Variants in PSRC1 observed in about 807,000 individuals in gnomAD.
PSRC1 encodes the protein proline/serine-rich coiled-coil protein 1.
A neutral mutation model predicts 31.9 loss-of-function variants in PSRC1; 30 were observed. That is an observed-to-expected ratio of 0.94 (90% CI 0.70 to 1.28). PSRC1 has a LOEUF of 1.28. Ranked by LOEUF, PSRC1 falls within the 50% of genes most tolerant of loss-of-function variation. The pLI is 0.00. For synonymous variants in PSRC1, 191 were observed against 192.1 expected (o/e 0.99, Z 0.05); for missense variants, 481 against 472.8 (o/e 1.02, Z -0.16).
chr1:109,280,009 T>G, exon 7 of PSRC1: 1 of 1,025,662 alleles, frequency 9.7e-7, no homozygotes, highest in South Asian at 1.3e-5. Flanking sequence ...TGGTCTCTAC[T>G]CCTGGGAGAC....
At chr1:109,280,266 C>G in intron 6 of PSRC1, 110 bp from the exon 8 acceptor site, 3 of 1,450,200 alleles carry the variant, frequency 2.1e-6, no homozygotes, top group Non-Finnish European at 2.9e-6. Context: ...GATCCCCCTT[C>G]CCCTGCCCCA....
At chr1:109,280,973 C>G in exon 5 of PSRC1, 1 of 1,609,418 alleles carries the variant, frequency 6.2e-7, no homozygotes, top group Non-Finnish European at 8.5e-7. Context: ...CTGCTCCCTG[C>G]GGCCGGGGCA....
intron 6 of PSRC1, 25 bp from the exon 8 acceptor site, chr1:109,280,181 C>T (rs202208322): frequency 1.2e-6 from 2 of 1,613,134 alleles, no homozygotes; most frequent in East Asian, 4.5e-5. Context: ...GGAATAACTG[C>T]TTTAAAATGC....
intron 5 of PSRC1, 102 bp from the exon 7 acceptor site, chr1:109,280,591 C>A: frequency 1.9e-6 from 2 of 1,050,594 alleles, no homozygotes; most frequent in African/African-American, 1.6e-5. Flanking sequence ...GTACTCTCCC[C>A]CTGACCATGA....
At chr1:109,280,246 G>A (rs1656820330) in intron 6 of PSRC1, 90 bp from the exon 8 acceptor site, 1 of 1,500,794 alleles carries the variant, frequency 6.7e-7, no homozygotes, top group Non-Finnish European at 9.3e-7. Context: ...CTCAGGGTGG[G>A]AAGAAATGGG....
chr1:109,280,391 C>CTCT lies in PSRC1; in HGVS notation c.1088+4_1088+5insAGA. 6.2e-7 allele frequency: 1 copy of CTCT among 1,601,736 alleles called. No individual in the cohort carries two copies. Among genetic ancestry groups the CTCT allele is most frequent in the South Asian group, 1.1e-5 (1 of 89,634 alleles). ...ACAGGATGGGCAAGGGAGGACCAGA[C>CTCT]TGACCTGGTAGGTCCTGGGACTGCC... On this transcript the variant is annotated splice_donor_region_variant and intron_variant, in intron 6 of 6. Transcript: ENST00000409138.
At chr1:109,279,967 T>C (rs985824528) in exon 7 of PSRC1, 2 of 730,542 alleles carry the variant, frequency 2.7e-6, no homozygotes, top group Non-Finnish European at 4.9e-6. Flanking sequence ...TTAAGTCTTC[T>C]CCAGCTCAAT....
At chr1:109,281,894 T>G (rs1657205767) in exon 4 of PSRC1, 1 of 1,611,484 alleles carries the variant, frequency 6.2e-7, no homozygotes, top group Non-Finnish European at 8.5e-7. Context: ...GCCAGCCGGT[T>G]GGCCTCATCG....
At position 109,280,678 on chromosome 1, in the gene PSRC1, G is replaced by A. The variant is rs1656915588; in HGVS notation, c.994+99C>T. 5.6e-6 allele frequency: 6 copies of A among 1,077,370 alleles called. No individual in the cohort carries two copies. In the East Asian group the frequency reaches 1.3e-4, roughly 23 times the overall value. The allele number at this position is 1,077,370 out of a possible 1,614,324, so 66.7% of individuals were successfully genotyped here. A position where few individuals can be genotyped will look rare whatever the true frequency, so the allele number is the denominator to read the frequency against. On this transcript the variant is annotated intron_variant, in intron 5 of 6. Transcript: ENST00000409138. The stretch of plus-strand genomic sequence containing the variant: ...AACTCAGTCTCCCCATCTTCCAATT[G>A]AATTGCAATAAGGATGGCAAAAGTG...
intron 4 of PSRC1, 45 bp from the exon 5 acceptor site, chr1:109,281,296 T>A: frequency 6.9e-7 from 1 of 1,451,174 alleles, no homozygotes; most frequent in Non-Finnish European, 9.3e-7. Flanking sequence ...GTGGAAAAAA[T>A]ATCTGTTCTG....
exon 7 of PSRC1, chr1:109,279,769 G>A (rs543039420): frequency 2.5e-5 from 6 of 238,118 alleles, no homozygotes; most frequent in South Asian, 1.9e-4. Flanking sequence ...GGTTAGCTAC[G>A]GAGGCCGCTC....
chr1:109,281,281 C>G, intron 4 of PSRC1, 30 bp from the exon 5 acceptor site: 2 of 1,502,736 alleles, frequency 1.3e-6, no homozygotes, highest in Admixed American at 4.4e-5. Context: ...AGAAAAAAGA[C>G]TAGAGTGGAA....
At chr1:109,281,161 C>T (rs769940825) in exon 5 of PSRC1, 18 of 1,613,298 alleles carry the variant, frequency 1.1e-5, no homozygotes, top group Admixed American at 1.7e-5. Context: ...CCACTGGGCC[C>T]GGCTCTCCCC....
exon 4 of PSRC1, chr1:109,281,714 T>C: frequency 6.2e-7 from 1 of 1,613,988 alleles, no homozygotes; most frequent in South Asian, 1.1e-5. Context: ...GTCAGGCTGC[T>C]TGGGGAGGGG....
chr1:109,280,767 GACCTCTT>G lies in PSRC1; in HGVS notation c.994+3_994+9del. ...GGCAAGGGCGGGCATTCTTCCTCCT[GACCTCTT>G]ACCCTTGTGTCCACTTTCCCGCACT... On this transcript the variant is annotated splice_donor_5th_base_variant and intron_variant, in intron 5 of 6. Coordinates refer to ENST00000409138, the Ensembl canonical transcript of PSRC1. The G allele has an allele frequency of 1.9e-6, 3 of 1,550,272 alleles. No homozygotes were observed. The highest frequency in any genetic ancestry group is 2.6e-6 in the Non-Finnish European group (3 of 1,142,172).
intron 6 of PSRC1, 62 bp downstream of exon 7, chr1:109,280,334 C>G: frequency 4.0e-6 from 6 of 1,485,102 alleles, no homozygotes; most frequent in Non-Finnish European, 5.6e-6. Context: ...TGCATAACAG[C>G]TTGGAATCCC....
chr1:109,280,769 C>A lies in PSRC1; in HGVS notation c.994+8G>T. ...CAAGGGCGGGCATTCTTCCTCCTGA[C>A]CTCTTACCCTTGTGTCCACTTTCCC... is the stretch of plus-strand genomic sequence containing the variant. On this transcript the variant is annotated splice_region_variant and intron_variant, in intron 5 of 6. Coordinates refer to ENST00000409138, the Ensembl canonical transcript of PSRC1. The A allele has an allele frequency of 1.9e-6, 3 of 1,555,358 alleles. No homozygotes were observed. The highest frequency in any genetic ancestry group is 2.6e-6 in the Non-Finnish European group (3 of 1,145,124).
chr1:109,281,607 C>A lies in PSRC1; in HGVS notation c.519+12G>T. On this transcript the variant is annotated intron_variant, in intron 4 of 6. Coordinates refer to ENST00000409138, the Ensembl canonical transcript of PSRC1. ...TCTGGGGCACACCTCCAACTCAACTCTCTCAACTCACCCTCTTCATGTTGG... is the reference window on the plus strand; with the variant it reads ...TCTGGGGCACACCTCCAACTCAACTATCTCAACTCACCCTCTTCATGTTGG... The A allele has an allele frequency of 6.2e-7, 1 of 1,601,606 alleles. No individual in the cohort carries two copies. Among genetic ancestry groups the A allele is most frequent in the South Asian group, 1.1e-5 (1 of 89,584 alleles).
At chr1:109,282,611 T>C in intron 2 of PSRC1, 36 bp from the exon 3 acceptor site, 1 of 1,610,960 alleles carries the variant, frequency 6.2e-7, no homozygotes, top group Non-Finnish European at 8.5e-7. Context: ...CAGTCATGGG[T>C]CCCTGATGCA....
Sources: gnomAD v4.1 joint callset for allele counts on GRCh38, gnomAD v4.1.1 for gene constraint, MANE v1.5 for transcripts, NCBI Gene and HGNC (gene_info 2026-07-23, HGNC 2026-07-21) for gene names.